PLGRKT: variants seen among roughly 807,000 people sequenced by gnomAD.
PLGRKT encodes the protein plasminogen receptor with a C-terminal lysine, also known as plasminogen receptor (KT).
In PLGRKT, 22 loss-of-function variants were observed where a neutral mutation model predicts 18.5. The ratio of observed to expected loss-of-function variants is 1.19; its 90% confidence interval spans 0.85 to 1.70. The LOEUF (loss-of-function observed/expected upper bound fraction) is 1.70, where lower values mean the gene tolerates loss of function less well. Ranked by LOEUF, PLGRKT falls within the 40% of genes most tolerant of loss-of-function variation. The pLI is 0.00. For missense variants in PLGRKT, 235 were observed against 174.4 expected (o/e 1.35, Z -1.96); for synonymous variants, 72 against 52.8 (o/e 1.36, Z -1.58).
At chr9:5,390,506 C>T (rs1817929442) in intron 3 of PLGRKT, among the ~76,000 whole-genome samples, 1 of 151,852 alleles carries the variant, frequency 6.6e-6, no homozygotes, top group Non-Finnish European at 1.5e-5. Flanking sequence ...AGAATGCAAA[C>T]ACTATCACAT....
rs143197237 is a variant in PLGRKT at position 5,373,417 on chromosome 9, G to C, written c.82-11529C>G. Among the ~76,000 whole-genome samples, 1,064 of 152,270 alleles carry C rather than the reference G, an allele frequency of 7.0e-3. 8 individuals carry two copies. Among genetic ancestry groups the C allele is most frequent in the South Asian group, 0.02 (96 of 4,822 alleles). On this transcript the variant is annotated intron_variant, in intron 3 of 5. Coordinates refer to ENST00000223864, the MANE Select transcript of PLGRKT (RefSeq NM_018465.4). Reference sequence around the variant, plus strand: ...ACTCAACTTTCTCAACATTTCTTGAGGGATGGCCTTCTCTACTCTGCTGCA... The same window carrying C: ...ACTCAACTTTCTCAACATTTCTTGACGGATGGCCTTCTCTACTCTGCTGCA...
At chr9:5,426,298 C>T (rs987483029) in intron 3 of PLGRKT, among the ~76,000 whole-genome samples, 2 of 152,116 alleles carry the variant, frequency 1.3e-5, no homozygotes, top group African/African-American at 2.4e-5. Context: ...CCATAACTTA[C>T]ATTTGATATA....
intron 3 of PLGRKT, among the ~76,000 whole-genome samples, chr9:5,428,018 G>C (rs1045053747): frequency 5.9e-5 from 9 of 152,168 alleles, no homozygotes; most frequent in African/African-American, 2.2e-4. Context: ...TCTGGGGTGG[G>C]AGAAGGGAGG....
intron 3 of PLGRKT, among the ~76,000 whole-genome samples, chr9:5,406,746 T>C (rs1818265592): frequency 6.6e-6 from 1 of 152,150 alleles, no homozygotes; most frequent in Admixed American, 6.5e-5. Context: ...ATCCTACACA[T>C]ATACTCTGGA....
intron 3 of PLGRKT, among the ~76,000 whole-genome samples, chr9:5,399,779 C>G (rs1818121338): frequency 6.6e-6 from 1 of 151,660 alleles, no homozygotes; most frequent in Non-Finnish European, 1.5e-5. Flanking sequence ...CACTGGAAGT[C>G]AGGAGTTTGA....
intron 3 of PLGRKT, among the ~76,000 whole-genome samples, chr9:5,422,615 G>A: frequency 6.6e-6 from 1 of 152,166 alleles, no homozygotes; most frequent in Admixed American, 6.5e-5. Context: ...AAACACAACT[G>A]TAAAAGACAC....
At chr9:5,411,110 G>A (rs1201023123) in intron 3 of PLGRKT, among the ~76,000 whole-genome samples, 3 of 152,062 alleles carry the variant, frequency 2.0e-5, no homozygotes, top group Non-Finnish European at 4.4e-5. Context: ...CAGGCCAGTT[G>A]CGGTGACTCA....
At chr9:5,367,067 A>ACACCC (rs1286566339) in intron 3 of PLGRKT, among the ~76,000 whole-genome samples, 30 of 138,956 alleles carry the variant, frequency 2.2e-4, no homozygotes, top group African/African-American at 7.2e-4. Context: ...ACACACACAC[A>ACACCC]CCCCTAGGAA....
chr9:5,405,652 A>C (rs1818241370), intron 3 of PLGRKT, among the ~76,000 whole-genome samples: 1 of 152,190 alleles, frequency 6.6e-6, no homozygotes, highest in African/African-American at 2.4e-5. Flanking sequence ...AACTATAAAA[A>C]CCCTAGAAGA....
At chr9:5,423,664 G>C (rs988290393) in intron 3 of PLGRKT, among the ~76,000 whole-genome samples, 1 of 151,610 alleles carries the variant, frequency 6.6e-6, no homozygotes, top group Admixed American at 6.6e-5. Context: ...CTCAACTACA[G>C]CTCATTAAGA....
At position 5,397,063 on chromosome 9, in the gene PLGRKT, T is replaced by G. The variant is rs16931404; in HGVS notation, c.81+34834A>C. On this transcript the variant is annotated intron_variant, in intron 3 of 5. Coordinates refer to ENST00000223864, the MANE Select transcript of PLGRKT (RefSeq NM_018465.4). The stretch of plus-strand genomic sequence containing the variant: ...GTTTAAATTAACTTCCAAACTTATT[T>G]GCTCTTATGAGTAAATTTTGATGCT... Among the ~76,000 whole-genome samples the G allele has an allele frequency of 7.7e-3, 1,170 of 152,152 alleles. 40 individuals carry two copies. The highest frequency in any genetic ancestry group is 0.027 in the African/African-American group (1,126 of 41,388).
At chr9:5,361,493 A>G (rs1328481253) in intron 4 of PLGRKT, among the ~76,000 whole-genome samples, 2 of 152,206 alleles carry the variant, frequency 1.3e-5, no homozygotes, top group Non-Finnish European at 2.9e-5. Flanking sequence ...AGATAAACAC[A>G]TAGAGCCCTT....
intron 3 of PLGRKT, among the ~76,000 whole-genome samples, chr9:5,401,084 G>A (rs990655154): frequency 1.3e-5 from 2 of 151,810 alleles, no homozygotes; most frequent in African/African-American, 4.9e-5. Context: ...AACTGCTACT[G>A]CTGGCCTTAA....
intron 3 of PLGRKT, among the ~76,000 whole-genome samples, chr9:5,378,268 A>C (rs1321225380): frequency 1.3e-5 from 2 of 152,232 alleles, no homozygotes; most frequent in African/African-American, 4.8e-5. Flanking sequence ...GAAGAAAAGA[A>C]TGCAGCCCAA....
chr9:5,369,097 A>T (rs1047133834), intron 3 of PLGRKT, among the ~76,000 whole-genome samples: 12 of 152,202 alleles, frequency 7.9e-5, no homozygotes, highest in Admixed American at 7.9e-4. Context: ...AAAAGCCAAA[A>T]TTGACAAATT....
rs558001166 is a variant in PLGRKT, at chr9:5,377,755, C to T, written c.82-15867G>A. Among the ~76,000 whole-genome samples the T allele has an allele frequency of 3.3e-5, 5 of 152,244 alleles. No homozygotes were observed. In the East Asian group the frequency reaches 9.6e-4, roughly 29 times the overall value. On this transcript the variant is annotated intron_variant, in intron 3 of 5. Coordinates refer to ENST00000223864, the MANE Select transcript of PLGRKT (RefSeq NM_018465.4). ...AACAACAAATGGTGCCCCTCCATTCCAATACACACAGAGGTGGCAGTGTTT... is the reference window on the plus strand; with the variant it reads ...AACAACAAATGGTGCCCCTCCATTCTAATACACACAGAGGTGGCAGTGTTT...
At chr9:5,412,469 A>G (rs1818383873) in intron 3 of PLGRKT, among the ~76,000 whole-genome samples, 1 of 152,220 alleles carries the variant, frequency 6.6e-6, no homozygotes, top group African/African-American at 2.4e-5. Context: ...TCATGAGAGT[A>G]GGTTTGTTAT....
intron 5 of PLGRKT, among the ~76,000 whole-genome samples, chr9:5,359,131 C>A (rs1817205068): frequency 6.6e-6 from 1 of 151,350 alleles, no homozygotes; most frequent in African/African-American, 2.4e-5. Context: ...GGTGCAATCT[C>A]AGCTCACTGC....
At chr9:5,392,894 T>A (rs1024885419) in intron 3 of PLGRKT, among the ~76,000 whole-genome samples, 1 of 151,780 alleles carries the variant, frequency 6.6e-6, no homozygotes, top group African/African-American at 2.4e-5. Context: ...CAGGCTGGAG[T>A]GCAGTGGTGC....
Sources: allele counts gnomAD v4.1 joint callset (sites outside exome capture counted in the v4.1 genomes callset), GRCh38; gene constraint gnomAD v4.1.1; transcripts MANE v1.5; gene names NCBI Gene and HGNC (gene_info 2026-07-23, HGNC 2026-07-21).